NRXN3: variants seen among roughly 807,000 people sequenced by gnomAD.
NRXN3 encodes neurexin 3.
A neutral mutation model predicts 137.6 loss-of-function variants in NRXN3; 32 were observed. The observed-to-expected ratio is 0.23, with a 90% CI of 0.18 to 0.31. The LOEUF (loss-of-function observed/expected upper bound fraction) is 0.31, where lower values mean the gene tolerates loss of function less well. Ranked by LOEUF, NRXN3 falls within the 10% of genes least tolerant of loss-of-function variation. NRXN3 has a pLI of 1.00. For missense variants in NRXN3, 1,574 were observed against 2,062.5 expected (o/e 0.76, Z 4.59); for synonymous variants, 798 against 784.5 (o/e 1.02, Z -0.29).
chr14:79,599,766 G>C (rs112297673), intron 16 of NRXN3, among the ~76,000 whole-genome samples: 8,753 of 152,216 alleles, frequency 0.058, 258 homozygotes, highest in East Asian at 0.082. Context: ...AGGCTGAGGC[G>C]GGCAGATCAC....
chr14:78,201,923 C>T (rs1005668702), intron 1 of NRXN3, among the ~76,000 whole-genome samples: 6 of 152,246 alleles, frequency 3.9e-5, no homozygotes, highest in Non-Finnish European at 8.8e-5. Flanking sequence ...CATTCAAAGC[C>T]TCTCTCTGAG....
At chr14:79,383,190 G>C (rs1006734686) in intron 15 of NRXN3, among the ~76,000 whole-genome samples, 4 of 152,068 alleles carry the variant, frequency 2.6e-5, no homozygotes, top group Admixed American at 2.0e-4. Flanking sequence ...GATGTACAAG[G>C]GCAAACCTGC....
intron 20 of NRXN3, among the ~76,000 whole-genome samples, chr14:79,833,410 T>C (rs998259367): frequency 6.6e-6 from 1 of 152,168 alleles, no homozygotes; most frequent in African/African-American, 2.4e-5. Context: ...GTTGATTTTA[T>C]GGTGCCTTTG....
chr14:79,500,380 A>G (rs2096813179), intron 16 of NRXN3, among the ~76,000 whole-genome samples: 2 of 152,176 alleles, frequency 1.3e-5, no homozygotes, highest in Non-Finnish European at 2.9e-5. Context: ...AGGGATACTG[A>G]AAAAGACTGG....
At chr14:78,251,442 T>G (rs1159875802) in intron 2 of NRXN3, among the ~76,000 whole-genome samples, 1 of 152,216 alleles carries the variant, frequency 6.6e-6, no homozygotes, top group East Asian at 1.9e-4. Flanking sequence ...CAATTTCTTT[T>G]TCTTAAGGAC....
chr14:79,455,904 T>G lies in NRXN3; in HGVS notation c.3263-11317T>G, dbSNP rs530818446. ...ATCAAAAACCATCTTATTTATCTTA[T>G]TTTTGTAATAGTGCATTAAGGTGAA... On this transcript the variant is annotated intron_variant, in intron 15 of 20. Coordinates refer to ENST00000335750, the MANE Select transcript of NRXN3 (RefSeq NM_001330195.2). Among the ~76,000 whole-genome samples the G allele has an allele frequency of 6.6e-5, 10 of 152,144 alleles. 1 individual carries two copies. In the South Asian group the frequency reaches 2.1e-3, roughly 32 times the overall value.
rs551508381 is a variant in NRXN3, at chr14:79,439,935, G to T, written c.3263-27286G>T. Among the ~76,000 whole-genome samples, 6 of 152,270 alleles carry T rather than the reference G, an allele frequency of 3.9e-5. No homozygotes were observed. The South Asian group carries it at 1.2e-3, about 32-fold the overall frequency. Reference sequence around the variant, plus strand: ...CTGTTTTTTGTGGGCTCTTATGCTGGTTCAGAGATGATATATGCCATTTTT... The same window carrying T: ...CTGTTTTTTGTGGGCTCTTATGCTGTTTCAGAGATGATATATGCCATTTTT... On this transcript the variant is annotated intron_variant, in intron 15 of 20. Transcript: ENST00000335750.
intron 4 of NRXN3, among the ~76,000 whole-genome samples, chr14:78,315,310 T>C (rs1343129075): frequency 6.6e-6 from 1 of 152,132 alleles, no homozygotes; most frequent in Non-Finnish European, 1.5e-5. Flanking sequence ...GTATTTTGTA[T>C]TAAACAAAAC....
intron 4 of NRXN3, among the ~76,000 whole-genome samples, chr14:78,487,821 A>C (rs2095591710): frequency 6.6e-6 from 1 of 152,132 alleles, no homozygotes; most frequent in South Asian, 2.1e-4. Context: ...TTAAAGAATA[A>C]AGACTCGGTA....
At chr14:78,537,492 G>C (rs2096547633) in intron 4 of NRXN3, among the ~76,000 whole-genome samples, 1 of 152,166 alleles carries the variant, frequency 6.6e-6, no homozygotes, top group African/African-American at 2.4e-5. Context: ...TGAGTTCTTT[G>C]TAGATTCTGG....
At chr14:78,433,573 T>C (rs1162442865) in intron 4 of NRXN3, among the ~76,000 whole-genome samples, 2 of 152,158 alleles carry the variant, frequency 1.3e-5, no homozygotes, top group African/African-American at 4.8e-5. Context: ...TGGATTTGTG[T>C]CATTATCAAG....
intron 15 of NRXN3, among the ~76,000 whole-genome samples, chr14:79,118,501 C>A (rs2054851729): frequency 1.3e-5 from 2 of 152,250 alleles, no homozygotes; most frequent in South Asian, 4.2e-4. Context: ...TGTCATGGTG[C>A]CATGGCTACC....
At chr14:78,290,336 A>G (rs2075675151) in intron 3 of NRXN3, among the ~76,000 whole-genome samples, 1 of 152,220 alleles carries the variant, frequency 6.6e-6, no homozygotes, top group African/African-American at 2.4e-5. Context: ...ACATCAAGAC[A>G]GCATGCCATG....
At chr14:78,846,371 T>C (rs891111429) in intron 10 of NRXN3, among the ~76,000 whole-genome samples, 3 of 152,126 alleles carry the variant, frequency 2.0e-5, no homozygotes, top group African/African-American at 7.2e-5. Context: ...GGTCTGCCAG[T>C]TGCAAAGCTA....
chr14:79,798,209 T>TA (rs952765170), intron 19 of NRXN3, among the ~76,000 whole-genome samples: 3 of 151,838 alleles, frequency 2.0e-5, no homozygotes, highest in Non-Finnish European at 4.4e-5. Flanking sequence ...TAGATACATT[T>TA]AAAAAAAAGG....
At chr14:78,351,445 C>T (rs1055241299) in intron 4 of NRXN3, among the ~76,000 whole-genome samples, 1 of 152,190 alleles carries the variant, frequency 6.6e-6, no homozygotes, top group Non-Finnish European at 1.5e-5. Context: ...AAAATTCCCA[C>T]CAATAGTAGA....
At chr14:79,307,450 T>G (rs568744832) in intron 15 of NRXN3, among the ~76,000 whole-genome samples, 1 of 152,258 alleles carries the variant, frequency 6.6e-6, no homozygotes, top group African/African-American at 2.4e-5. Flanking sequence ...TCATGAAAAC[T>G]TACCCCAAAA....
chr14:78,503,196 A>G (rs2095913553), intron 4 of NRXN3, among the ~76,000 whole-genome samples: 1 of 152,192 alleles, frequency 6.6e-6, no homozygotes. Flanking sequence ...ACCTAAGGGC[A>G]AAATATTGGA....
chr14:78,620,635 G>A (rs1056349251), intron 4 of NRXN3, among the ~76,000 whole-genome samples: 2 of 152,110 alleles, frequency 1.3e-5, no homozygotes, highest in Non-Finnish European at 2.9e-5. Flanking sequence ...TCGTGTTTAC[G>A]GTGCTGGAAA....
Sources: gnomAD v4.1 joint callset for allele counts (sites outside exome capture counted in the v4.1 genomes callset) on GRCh38, gnomAD v4.1.1 for gene constraint, MANE v1.5 for transcripts, NCBI Gene and HGNC (gene_info 2026-07-23, HGNC 2026-07-21) for gene names.